The following NCAPD3 variants were observed in gnomAD, a reference collection of about 807,000 sequenced individuals.
The protein encoded by NCAPD3 is non-SMC condensin II complex subunit D3.
Under a neutral mutation model 182.9 loss-of-function variants are expected in NCAPD3, and 105 were observed. The observed-to-expected ratio is 0.57, with a 90% CI of 0.49 to 0.68. NCAPD3 has a LOEUF of 0.68. Ranked by LOEUF, NCAPD3 falls within the 30% of genes least tolerant of loss-of-function variation. The pLI, the probability that NCAPD3 is intolerant of heterozygous loss-of-function variation, is 0.00. For synonymous variants in NCAPD3, 815 were observed against 679.9 expected, an observed-to-expected ratio of 1.20 and a Z score of -3.09; for missense variants, 1,944 against 1,837.0, an observed-to-expected ratio of 1.06 and a Z score of -1.07.
chr11:134,203,573 A>G, intron 11 of NCAPD3, 81 bp downstream of exon 11: 1 of 1,533,674 alleles, frequency 6.5e-7, no homozygotes, highest in Non-Finnish European at 8.8e-7. Context: ...TACTTTTGCC[A>G]CAGAAAAGAA....
intron 3 of NCAPD3, among the ~76,000 whole-genome samples, chr11:134,212,549 T>C (rs1937878004): frequency 6.6e-6 from 1 of 152,044 alleles, no homozygotes; most frequent in Non-Finnish European, 1.5e-5. Flanking sequence ...ATTGGGCTAA[T>C]TTTCATTTTT....
intron 15 of NCAPD3, 62 bp downstream of exon 15, chr11:134,193,954 T>A (rs1944575333): frequency 6.6e-7 from 1 of 1,507,418 alleles, no homozygotes; most frequent in African/African-American, 1.4e-5. Flanking sequence ...AGGTAATTAT[T>A]GTGTGGAATT....
chr11:134,169,115 T>G, intron 24 of NCAPD3, 61 bp from the exon 25 acceptor site: 1 of 1,540,432 alleles, frequency 6.5e-7, no homozygotes, highest in Non-Finnish European at 8.8e-7. Flanking sequence ...AGTCTCTGAA[T>G]ACACCAAGAA....
intron 31 of NCAPD3, 64 bp downstream of exon 31, chr11:134,157,861 AAGT>A (rs1473626749): frequency 6.7e-7 from 1 of 1,484,590 alleles, no homozygotes; most frequent in African/African-American, 1.4e-5. Context: ...AAGGAATAAG[AAGT>A]AGCTTGTTCT....
chr11:134,204,223 T>C lies in NCAPD3; in HGVS notation c.1090-52A>G. ...AACCAATATCCACCCGCAGGATGGC[T>C]GAAACATATTCTGTAATATAAGTTG... is the stretch of plus-strand genomic sequence containing the variant. On this transcript the variant is annotated intron_variant, in intron 9 of 34. Transcript: ENST00000534548. This position sits in a 1 kb window ranked among gnomAD's most constrained non-coding sequence, Gnocchi z 4.3. The C allele has an allele frequency of 1.3e-6, 2 of 1,593,472 alleles. No individual in the cohort carries two copies. Among genetic ancestry groups the C allele is most frequent in the Non-Finnish European group, 1.7e-6 (2 of 1,167,600 alleles).
intron 3 of NCAPD3, among the ~76,000 whole-genome samples, chr11:134,211,982 A>C (rs1393518747): frequency 6.6e-6 from 1 of 152,208 alleles, no homozygotes; most frequent in African/African-American, 2.4e-5. Flanking sequence ...CTATAAGTCC[A>C]CAGATCCAAG....
chr11:134,178,469 T>C (rs1028302121), intron 22 of NCAPD3, 165 bp downstream of exon 22: 1 of 488,712 alleles, frequency 2.0e-6, no homozygotes, highest in Non-Finnish European at 3.6e-6. Flanking sequence ...CACGCAGTTA[T>C]GCAGAGCTCA....
At chr11:134,189,998 T>C (rs1483881651) in intron 16 of NCAPD3, among the ~76,000 whole-genome samples, 1 of 152,242 alleles carries the variant, frequency 6.6e-6, no homozygotes, top group Non-Finnish European at 1.5e-5. Context: ...CCACTAACTA[T>C]TAAATGGAAG....
At chr11:134,225,063 A>G, upstream of NCAPD3, 1 of 1,497,436 alleles carries the variant, frequency 6.7e-7, no homozygotes, top group South Asian at 1.3e-5. Context: ...TACCTAGGGC[A>G]GCCCGCGCCC....
intron 24 of NCAPD3, chr11:134,172,968 C>A (rs1944049920): frequency 7.4e-6 from 1 of 134,266 alleles, no homozygotes; most frequent in South Asian, 2.5e-4. Context: ...CAGAGCAAGA[C>A]CCTGTCTCAA....
At chr11:134,164,315 T>C (rs1030106147) in intron 27 of NCAPD3, among the ~76,000 whole-genome samples, 3 of 152,222 alleles carry the variant, frequency 2.0e-5, no homozygotes, top group Non-Finnish European at 4.4e-5. Context: ...AAAGAAGAGA[T>C]GACTGAGGGA....
Position 134,210,427 on chromosome 11 carries a change from G to T in NCAPD3, c.410C>A (p.Pro137Gln). 6.2e-7 allele frequency: 1 copy of T among 1,614,054 alleles called. No homozygotes were observed. Among genetic ancestry groups the T allele is most frequent in the Non-Finnish European group, 8.5e-7 (1 of 1,179,940 alleles). The change falls in exon 4 of 35, where the codon CCA (proline) becomes CAA (glutamine). Residue 137 changes from proline to glutamine, a missense_variant. Pro to Gln is a moderately conservative substitution (Grantham distance 76). Transcript: ENST00000534548. ...CTGAATGCATTTGTCAAACATCACT[G>T]GGTGGAATACTTGATTGGCTACACT... ...PGSVANQVFHPVMFDKCIQTL... is the reference protein window; with the variant it reads ...PGSVANQVFHQVMFDKCIQTL...
At chr11:134,162,935 C>G (rs1239863332) in intron 27 of NCAPD3, among the ~76,000 whole-genome samples, 1 of 152,112 alleles carries the variant, frequency 6.6e-6, no homozygotes, top group South Asian at 2.1e-4. Flanking sequence ...GCATGGCCAT[C>G]TGATGGATGA....
At chr11:134,195,039 T>C (rs985245011) in intron 13 of NCAPD3, among the ~76,000 whole-genome samples, 12 of 152,174 alleles carry the variant, frequency 7.9e-5, no homozygotes, top group African/African-American at 1.4e-4. Context: ...ATCTAACCCA[T>C]AGGATTATTT....
At chr11:134,162,604 A>C (rs1257639043) in intron 27 of NCAPD3, among the ~76,000 whole-genome samples, 1 of 152,180 alleles carries the variant, frequency 6.6e-6, no homozygotes, top group Non-Finnish European at 1.5e-5. Context: ...TTCCTTGTAA[A>C]CTACTCATTT....
chr11:134,185,440 C>A lies in NCAPD3; in HGVS notation c.2132G>T (p.Gly711Val). ...TFINNVISHT[G>V]TEHSAPAWML... Reference sequence around the variant, plus strand: ...CCAGGCAGGTGCCGAATGTTCCGTGCCAGTGTGAGATATTACATTGTTTAT... The same window carrying A: ...CCAGGCAGGTGCCGAATGTTCCGTGACAGTGTGAGATATTACATTGTTTAT... The change falls in exon 17 of 35, where the codon GGC (glycine) becomes GTC (valine). Residue 711 changes from glycine (G) to valine (V), a missense_variant. By Grantham distance (109) the Gly-to-Val change is moderately radical. Transcript: ENST00000534548. 1 of 1,613,794 alleles carries A rather than the reference C, an allele frequency of 6.2e-7. No homozygotes were observed. Among genetic ancestry groups the A allele is most frequent in the Non-Finnish European group, 8.5e-7 (1 of 1,179,890 alleles).
At chr11:134,160,193 G>C (rs1245416093) in intron 28 of NCAPD3, 119 bp from the exon 29 acceptor site, 11 of 983,658 alleles carry the variant, frequency 1.1e-5, no homozygotes, top group Non-Finnish European at 1.6e-5. Flanking sequence ...GTGTACCCCT[G>C]AACGCAAAAT....
rs1937625807 is a variant in NCAPD3 at position 134,206,874 on chromosome 11, T to C, written c.883-142A>G. On this transcript the variant is annotated intron_variant, in intron 7 of 34. Transcript: ENST00000534548. Reference sequence around the variant, plus strand: ...ATAATTGCTGGCTGAACACTAGGGATATATTTCTTAAACAATGAGCAGGGA... The same window carrying C: ...ATAATTGCTGGCTGAACACTAGGGACATATTTCTTAAACAATGAGCAGGGA... 5 of 747,356 alleles carry C rather than the reference T, an allele frequency of 6.7e-6. No homozygotes were observed. The East Asian group carries it at 1.5e-4, about 22-fold the overall frequency. 46.3% of individuals were successfully genotyped at this position (747,356 alleles called of 1,614,324 possible).
chr11:134,156,255 T>A (rs1943416561), intron 32 of NCAPD3, among the ~76,000 whole-genome samples: 1 of 150,904 alleles, frequency 6.6e-6, no homozygotes, highest in South Asian at 2.1e-4. Context: ...CAGTGAGGAG[T>A]GGAATGGCCA....
Sources: gnomAD v4.1 joint callset for allele counts (sites outside exome capture counted in the v4.1 genomes callset) on GRCh38, gnomAD v4.1.1 for gene constraint, Gnocchi (gnomAD v3.1) non-coding constraint, MANE v1.5 for transcripts, NCBI Gene and HGNC (gene_info 2026-07-23, HGNC 2026-07-21) for gene names.